Variants in UNKL observed in about 807,000 individuals in gnomAD.
The protein encoded by UNKL is unk like zinc finger.
In UNKL, 60 loss-of-function variants were observed where a neutral mutation model predicts 78.0. The ratio of observed to expected loss-of-function variants is 0.77; its 90% CI spans 0.63 to 0.95. The LOEUF is 0.95. Among genes scored for constraint, UNKL ranks in the 40% least tolerant of loss-of-function variants. The pLI, the probability that UNKL is intolerant of heterozygous loss-of-function variation, is 0.00. For missense variants in UNKL, 1,159 were observed against 1,045.7 expected, an observed-to-expected ratio of 1.11 and a Z score of -1.49; for synonymous variants, 608 against 474.8, an observed-to-expected ratio of 1.28 and a Z score of -3.65.
At chr16:1,368,075 CT>C in intron 12 of UNKL, 13 of 573,250 alleles carry the variant, frequency 2.3e-5, no homozygotes, top group South Asian at 8.8e-5. Context: ...CCCGGCCGGT[CT>C]CCCCACCAGA....
At chr16:1,393,858 C>T (rs1219891611) in intron 7 of UNKL, among the ~76,000 whole-genome samples, 1 of 152,216 alleles carries the variant, frequency 6.6e-6, no homozygotes, top group African/African-American at 2.4e-5. Context: ...AGCCTCCAGG[C>T]TCAGGGCCCC....
intron 2 of UNKL, among the ~76,000 whole-genome samples, chr16:1,410,728 T>C (rs913120444): frequency 2.6e-5 from 4 of 152,178 alleles, no homozygotes; most frequent in African/African-American, 4.8e-5. Flanking sequence ...ATCCCAGGTC[T>C]GGGCAGATAA....
chr16:1,401,312 C>CAATG (rs2037514193), intron 4 of UNKL: 1 of 398,852 alleles, frequency 2.5e-6, no homozygotes, highest in Non-Finnish European at 4.3e-6. Flanking sequence ...GCCACTTGGT[C>CAATG]AATGGCTGGC....
intron 2 of UNKL, chr16:1,411,950 A>G (rs1013465213): frequency 6.6e-6 from 1 of 152,252 alleles, no homozygotes; most frequent in African/African-American, 2.4e-5. Flanking sequence ...TTGAAAAAAT[A>G]AAGGAAAACA....
chr16:1,401,299 TCGGCCA>T, intron 4 of UNKL: 1 of 372,820 alleles, frequency 2.7e-6, no homozygotes, highest in East Asian at 4.1e-5. Flanking sequence ...TGCTACCTCC[TCGGCCA>T]CTTGGTCAAT....
chr16:1,374,502 C>A (rs2036065090), intron 10 of UNKL, among the ~76,000 whole-genome samples: 1 of 152,182 alleles, frequency 6.6e-6, no homozygotes. Flanking sequence ...GGAAACCTGT[C>A]AGACCCGACC....
Position 1,371,418 on chromosome 16 carries a change from A to C in UNKL, c.1357+101T>G, listed in dbSNP as rs2035828567. On this transcript the variant is annotated intron_variant, in intron 11 of 14. Transcript: ENST00000389221. Reference sequence around the variant, plus strand: ...GAGTGCAGTGGTGCAACCTCAGCTCACTGCAGCCTTGACCTCCCCGGGCTC... The same window carrying C: ...GAGTGCAGTGGTGCAACCTCAGCTCCCTGCAGCCTTGACCTCCCCGGGCTC... 2.6e-6 allele frequency: 3 copies of C among 1,163,598 alleles called. No homozygotes were observed. The South Asian group carries it at 4.3e-5, about 17-fold the overall frequency. The allele number at this position is 1,163,598 out of a possible 1,614,324, so 72.1% of individuals were successfully genotyped here.
rs1054003410 is a variant in UNKL at position 1,368,631 on chromosome 16, A to C, written c.1586-773T>G. On this transcript the variant is annotated intron_variant, in intron 12 of 14. Transcript: ENST00000389221. ...CTCAAAAAAAAAAAAAAAAAAAAAA[A>C]AAAACAGGCCTGTCATCCCAGCACT... Among the ~76,000 whole-genome samples, 16 of 147,856 alleles carry C rather than the reference A, an allele frequency of 1.1e-4. No homozygotes were observed. In the East Asian group the frequency reaches 1.5e-3, roughly 14 times the overall value.
chr16:1,372,229 C>A (rs1434583849), intron 10 of UNKL, among the ~76,000 whole-genome samples: 6 of 151,964 alleles, frequency 3.9e-5, no homozygotes, highest in East Asian at 3.9e-4. Context: ...GTGCCACTGC[C>A]CTCCAGCCTG....
chr16:1,368,608 CAAAAA>C (rs757374554), intron 12 of UNKL, among the ~76,000 whole-genome samples: 6 of 42,144 alleles, frequency 1.4e-4, no homozygotes, highest in African/African-American at 3.7e-4. Context: ...GACTCCGTCT[CAAAAA>C]AAAAAAAAAA....
At chr16:1,384,608 ATTTT>A (rs372188882) in intron 10 of UNKL, among the ~76,000 whole-genome samples, 1 of 148,640 alleles carries the variant, frequency 6.7e-6, no homozygotes, top group Non-Finnish European at 1.5e-5. Flanking sequence ...CCTACTTTCA[ATTTT>A]TTTTTTGAGA....
At position 1,397,210 on chromosome 16, in the gene UNKL, G is replaced by A; in HGVS notation, c.820C>T (p.His274Tyr). 1 of 1,546,846 alleles carries A rather than the reference G, an allele frequency of 6.5e-7. No homozygotes were observed. The highest frequency in any genetic ancestry group is 8.7e-7 in the Non-Finnish European group (1 of 1,146,950). Residue 274 changes from histidine to tyrosine, a missense_variant, in exon 6 of 15, where the codon CAC becomes TAC. Coordinates refer to ENST00000389221, the MANE Select transcript of UNKL (RefSeq NM_001372107.1). The stretch of plus-strand genomic sequence containing the variant: ...TGGAACTGCTGCTCCGTGCGGGAGT[G>A]GCAATACTGGCAGCCGTCGCCGCCA... The part of the protein sequence containing the change: ...CDGGDGCQYC[H>Y]SRTEQQFHPE...
intron 14 of UNKL, 35 bp downstream of exon 14, chr16:1,367,057 G>A (rs1265438133): frequency 1.3e-6 from 2 of 1,486,984 alleles, no homozygotes; most frequent in Non-Finnish European, 1.8e-6. Context: ...CCTGCAGGCA[G>A]GCTGGCCCCT....
chr16:1,410,985 C>T (rs751902606), intron 2 of UNKL, among the ~76,000 whole-genome samples: 1 of 152,040 alleles, frequency 6.6e-6, no homozygotes, highest in Non-Finnish European at 1.5e-5. Flanking sequence ...AATCCCTGCA[C>T]GTTGGAGAGG....
At chr16:1,395,643 C>T (rs1469608384) in intron 6 of UNKL, 1 of 451,674 alleles carries the variant, frequency 2.2e-6, no homozygotes, top group Admixed American at 2.4e-5. Context: ...TCCTTGTTTA[C>T]CTGGGGCGGG....
chr16:1,365,475 C>G lies in UNKL; in HGVS notation c.*765G>C, dbSNP rs936101974. The G allele has an allele frequency of 6.6e-6, 1 of 152,482 alleles. No homozygotes were observed. The highest frequency in any genetic ancestry group is 2.4e-5 in the African/African-American group (1 of 41,454). 9.4% of individuals were successfully genotyped at this position (152,482 alleles called of 1,614,324 possible). A position where few individuals can be genotyped will look rare whatever the true frequency, so the allele number is the denominator to read the frequency against. ...GGCCACGGACCACAGAAATGCAGGA[C>G]GGAGCTCTCCTGCTCCCACGCCACG... On this transcript the variant is annotated 3_prime_UTR_variant, in exon 15 of 15. Transcript: ENST00000389221.
At chr16:1,381,803 C>A (rs928476626) in intron 10 of UNKL, among the ~76,000 whole-genome samples, 5 of 152,170 alleles carry the variant, frequency 3.3e-5, no homozygotes, top group Admixed American at 1.3e-4. Flanking sequence ...TCTCACCGGG[C>A]CCGGTGGTGC....
At chr16:1,369,189 C>T (rs1353497898) in intron 12 of UNKL, among the ~76,000 whole-genome samples, 1 of 149,952 alleles carries the variant, frequency 6.7e-6, no homozygotes, top group African/African-American at 2.5e-5. Context: ...CCTGCCTTAG[C>T]CTCCCAAGTA....
At position 1,366,158 on chromosome 16, in the gene UNKL, AGAAGCGAGTGAC is replaced by A; in HGVS notation, c.*70_*81del. The A allele has an allele frequency of 7.2e-7, 1 of 1,396,554 alleles. No homozygotes were observed. Among genetic ancestry groups the A allele is most frequent in the Non-Finnish European group, 9.4e-7 (1 of 1,065,464 alleles). 86.5% of individuals were successfully genotyped at this position (1,396,554 alleles called of 1,614,324 possible). A position where few individuals can be genotyped will look rare whatever the true frequency, so the allele number is the denominator to read the frequency against. ...CCTCGGTCCTCACGTCGGTGGCACC[AGAAGCGAGTGAC>A]GACATGTCCGTGGTCAGGAGGAGCG... On this transcript the variant is annotated 3_prime_UTR_variant, in exon 15 of 15. Coordinates refer to ENST00000389221, the MANE Select transcript of UNKL (RefSeq NM_001372107.1).
Sources: allele counts gnomAD v4.1 joint callset (sites outside exome capture counted in the v4.1 genomes callset), GRCh38; gene constraint gnomAD v4.1.1; transcripts MANE v1.5; gene names NCBI Gene and HGNC (gene_info 2026-07-23, HGNC 2026-07-21).